Variants in SPPL3 observed in about 807,000 individuals in gnomAD.
SPPL3 encodes the protein signal peptide peptidase-like 3.
SPPL3 carries 5 observed loss-of-function variants against 42.4 expected under a neutral mutation model. The ratio of observed to expected loss-of-function variants is 0.12; its 90% confidence interval spans 0.06 to 0.25. The LOEUF (loss-of-function observed/expected upper bound fraction) is 0.25, where lower values mean the gene tolerates loss of function less well. Among genes scored for constraint, SPPL3 ranks in the 10% least tolerant of loss-of-function variants. The probability of loss-of-function intolerance (pLI) is 1.00; values close to 1 mark genes in which losing one functional copy is unlikely to be tolerated. For synonymous variants in SPPL3, 195 were observed against 181.8 expected (o/e 1.07, Z -0.58); for missense variants, 235 against 489.0 (o/e 0.48, Z 4.90).
intron 1 of SPPL3, among the ~76,000 whole-genome samples, chr12:120,860,182 T>A (rs1025274017): frequency 6.6e-6 from 1 of 152,120 alleles, no homozygotes; most frequent in Non-Finnish European, 1.5e-5. Flanking sequence ...CCAGCCTGGG[T>A]GACACAGCAA....
chr12:120,790,885 C>T (rs910532931), intron 3 of SPPL3, among the ~76,000 whole-genome samples: 7 of 150,106 alleles, frequency 4.7e-5, no homozygotes, highest in South Asian at 4.2e-4. Flanking sequence ...TGCAATGGCA[C>T]GATCTCGGCT....
chr12:120,815,022 G>C (rs1870819072), intron 1 of SPPL3, among the ~76,000 whole-genome samples: 1 of 152,170 alleles, frequency 6.6e-6, no homozygotes, highest in African/African-American at 2.4e-5. Flanking sequence ...GTTCCTTACA[G>C]GTGGACACTG....
At chr12:120,799,294 TACTG>T (rs1416538819) in intron 2 of SPPL3, among the ~76,000 whole-genome samples, 6 of 152,218 alleles carry the variant, frequency 3.9e-5, no homozygotes, top group African/African-American at 1.4e-4. Flanking sequence ...TCAAGTAACT[TACTG>T]AATACTGTAC....
chr12:120,788,462 T>C lies in SPPL3; in HGVS notation c.190+3007A>G, dbSNP rs116735352. On this transcript the variant is annotated intron_variant, in intron 3 of 10. Coordinates refer to ENST00000353487, the MANE Select transcript of SPPL3 (RefSeq NM_139015.5). ...AACTGATTTCTCCATTTTTAAGTTC[T>C]GATTTTTTGGGGCATGAGTCACATG... 7.6e-3 allele frequency among the ~76,000 whole-genome samples: 1,159 copies of C among 152,352 alleles called. 15 individuals carry two copies. The highest frequency in any genetic ancestry group is 0.026 in the African/African-American group (1,091 of 41,580).
chr12:120,874,439 C>A (rs1873018460), intron 1 of SPPL3, among the ~76,000 whole-genome samples: 1 of 121,060 alleles, frequency 8.3e-6, no homozygotes, highest in Admixed American at 1.0e-4. Flanking sequence ...GATGACAGAG[C>A]GAGACCCTGT....
intron 1 of SPPL3, chr12:120,901,982 T>C (rs1337754865): frequency 1.0e-6 from 1 of 969,582 alleles, no homozygotes. Flanking sequence ...AAAGCAGCCA[T>C]TAGGACTCTC....
intron 1 of SPPL3, chr12:120,845,492 T>G (rs1265679946): frequency 2.3e-6 from 1 of 428,608 alleles, no homozygotes; most frequent in East Asian, 5.8e-5. Context: ...ACTCCATGGT[T>G]TCCACGTTGA....
intron 1 of SPPL3, among the ~76,000 whole-genome samples, chr12:120,842,320 T>C (rs1184257164): frequency 6.6e-6 from 1 of 152,128 alleles, no homozygotes; most frequent in Non-Finnish European, 1.5e-5. Flanking sequence ...CAGACAATTA[T>C]TAGAAACTTG....
rs924719125 is a variant in SPPL3 at position 120,839,034 on chromosome 12, C to T, written c.24-28148G>A. ...TATATATCCAAAGGACTATAAATCA[C>T]GCTGCTATAAAGACACATGCACACG... On this transcript the variant is annotated intron_variant, in intron 1 of 10. Coordinates refer to ENST00000353487, the MANE Select transcript of SPPL3 (RefSeq NM_139015.5). Among the ~76,000 whole-genome samples, 6 of 152,072 alleles carry T rather than the reference C, an allele frequency of 3.9e-5. No individual in the cohort carries two copies. In the East Asian group the frequency reaches 1.2e-3, roughly 29 times the overall value.
At chr12:120,862,606 G>A (rs1324645638) in intron 1 of SPPL3, among the ~76,000 whole-genome samples, 1 of 152,176 alleles carries the variant, frequency 6.6e-6, no homozygotes, top group Non-Finnish European at 1.5e-5. Flanking sequence ...CATGCACAGG[G>A]CAAGGAATGG....
intron 1 of SPPL3, among the ~76,000 whole-genome samples, chr12:120,838,798 C>T (rs1294114374): frequency 6.6e-6 from 1 of 152,100 alleles, no homozygotes; most frequent in African/African-American, 2.4e-5. Flanking sequence ...CAAATCAAAA[C>T]CACAATGAGA....
intron 1 of SPPL3, among the ~76,000 whole-genome samples, chr12:120,883,827 C>T (rs1182038237): frequency 1.3e-5 from 2 of 152,142 alleles, no homozygotes; most frequent in African/African-American, 2.4e-5. Context: ...GTAAGCCGGG[C>T]GTGGTGGCTC....
chr12:120,881,302 C>T (rs2137057757), intron 1 of SPPL3, among the ~76,000 whole-genome samples: 1 of 151,068 alleles, frequency 6.6e-6, no homozygotes, highest in Non-Finnish European at 1.5e-5. Context: ...AACCCTGTTG[C>T]TACTAAAAAT....
At chr12:120,766,175 C>T (rs985508510) in intron 10 of SPPL3, 88 bp downstream of exon 10, 5 of 1,081,894 alleles carry the variant, frequency 4.6e-6, no homozygotes, top group Non-Finnish European at 6.6e-6. Context: ...GGGGCTTAAG[C>T]AGAATCACCT....
intron 1 of SPPL3, among the ~76,000 whole-genome samples, chr12:120,895,676 C>T (rs1477391453): frequency 6.6e-6 from 1 of 152,188 alleles, no homozygotes; most frequent in Non-Finnish European, 1.5e-5. Flanking sequence ...AAATAATGTA[C>T]AGAACAAACA....
intron 1 of SPPL3, among the ~76,000 whole-genome samples, chr12:120,813,437 C>A (rs551714084): frequency 6.6e-6 from 1 of 151,646 alleles, no homozygotes; most frequent in Non-Finnish European, 1.5e-5. Context: ...CCTGCTTCAG[C>A]CTCCTGAGAA....
chr12:120,780,626 G>A (rs527588377), intron 6 of SPPL3, among the ~76,000 whole-genome samples: 1 of 149,258 alleles, frequency 6.7e-6, no homozygotes, highest in African/African-American at 2.5e-5. Context: ...GGTGGCTCAC[G>A]CCTGTAATCC....
intron 6 of SPPL3, among the ~76,000 whole-genome samples, chr12:120,779,267 G>A (rs1869439581): frequency 6.6e-6 from 1 of 152,172 alleles, no homozygotes; most frequent in South Asian, 2.1e-4. Context: ...TCTGGGCTCA[G>A]ACAATGATGA....
intron 1 of SPPL3, among the ~76,000 whole-genome samples, chr12:120,902,726 C>T (rs1874020433): frequency 1.3e-5 from 2 of 152,166 alleles, no homozygotes; most frequent in Admixed American, 1.3e-4. Context: ...TGTCCCAAAC[C>T]ACATTTGCTT....
Sources: allele counts gnomAD v4.1 joint callset (sites outside exome capture counted in the v4.1 genomes callset), GRCh38; gene constraint gnomAD v4.1.1; transcripts MANE v1.5; gene names NCBI Gene and HGNC (gene_info 2026-07-23, HGNC 2026-07-21).